ABR: variants seen among roughly 807,000 people sequenced by gnomAD.
ABR encodes ABR activator of RhoGEF and GTPase.
Under a neutral mutation model 107.2 loss-of-function variants are expected in ABR, and 35 were observed. That is an observed-to-expected ratio of 0.33 (90% CI 0.25 to 0.43). The LOEUF is 0.43. Ranked by LOEUF, ABR falls within the 20% of genes least tolerant of loss-of-function variation. The pLI, the probability that ABR is intolerant of heterozygous loss-of-function variation, is 1.00. For synonymous variants in ABR, 498 were observed against 462.0 expected (o/e 1.08, Z -1.00); for missense variants, 815 against 1,115.2 (o/e 0.73, Z 3.83).
At chr17:1,175,344 G>A (rs749113756) in intron 1 of ABR, among the ~76,000 whole-genome samples, 5 of 152,140 alleles carry the variant, frequency 3.3e-5, no homozygotes, top group South Asian at 2.1e-4. Context: ...CCGGGGAGGC[G>A]GAGGTTGCAG....
At chr17:1,193,895 C>T (rs555171089) in intron 1 of ABR, among the ~76,000 whole-genome samples, 25 of 151,878 alleles carry the variant, frequency 1.6e-4, no homozygotes, top group South Asian at 1.0e-3. Context: ...GGGGTTTCAC[C>T]GTGTTAGCCA....
chr17:1,025,390 G>A (rs781335389), intron 16 of ABR, among the ~76,000 whole-genome samples: 2 of 152,186 alleles, frequency 1.3e-5, no homozygotes, highest in Non-Finnish European at 1.5e-5. Flanking sequence ...CCTCAGTTGC[G>A]TCACAGGCTA....
At chr17:1,146,717 T>C (rs187975578) in intron 1 of ABR, among the ~76,000 whole-genome samples, 3,941 of 89,276 alleles carry the variant, frequency 0.044, 85 homozygotes, top group Middle Eastern at 0.15. Flanking sequence ...CCACTGCCAC[T>C]ACTGCCACCA....
chr17:1,066,957 T>G (rs560822736), intron 10 of ABR, 120 bp downstream of exon 10: 2 of 1,061,448 alleles, frequency 1.9e-6, no homozygotes, highest in Non-Finnish European at 2.7e-6. Flanking sequence ...GGTCTTTCCC[T>G]TAGTAACTAC....
chr17:1,188,174 C>T (rs1368464781), upstream of ABR, among the ~76,000 whole-genome samples: 2 of 151,978 alleles, frequency 1.3e-5, no homozygotes, highest in African/African-American at 4.8e-5. Flanking sequence ...ACCACTAACA[C>T]CCCAGCCTGG....
At chr17:1,048,873 G>A (rs1045407292) in intron 16 of ABR, among the ~76,000 whole-genome samples, 6 of 152,154 alleles carry the variant, frequency 3.9e-5, no homozygotes, top group Non-Finnish European at 5.9e-5. Context: ...CCCAACGCCC[G>A]AGGCTCAACC....
chr17:1,146,613 A>ACCACCGCCACATGC (rs2040537828), intron 1 of ABR, among the ~76,000 whole-genome samples: 1 of 148,290 alleles, frequency 6.7e-6, no homozygotes, highest in African/African-American at 2.5e-5. Context: ...CTGCCACATG[A>ACCACCGCCACATGC]CACCACTGCC....
At chr17:1,109,212 C>G in intron 2 of ABR, 2 of 1,150,702 alleles carry the variant, frequency 1.7e-6, no homozygotes, top group Non-Finnish European at 2.3e-6. Flanking sequence ...GGGACTGCAT[C>G]CCGGACCTAG....
chr17:1,034,538 C>G (rs1456806852), intron 16 of ABR, among the ~76,000 whole-genome samples: 2 of 152,176 alleles, frequency 1.3e-5, no homozygotes, highest in African/African-American at 4.8e-5. Context: ...TCGAGAGATA[C>G]AATTTCCAGC....
rs751626911 is a variant in ABR at position 1,009,668 on chromosome 17, C to T, written c.2342+11G>A. The T allele has an allele frequency of 1.9e-6, 3 of 1,611,516 alleles. No individual in the cohort carries two copies. The highest frequency in any genetic ancestry group is 3.3e-5 in the Admixed American group (2 of 60,016). On this transcript the variant is annotated intron_variant, in intron 21 of 22. Coordinates refer to ENST00000302538, the MANE Select transcript of ABR (RefSeq NM_021962.5). Reference sequence around the variant, plus strand: ...GACTGAGGAGGTGGGGTTGGGGCCGCTCCCCGTTACCTTTTCAAGTGTTCC... The same window carrying T: ...GACTGAGGAGGTGGGGTTGGGGCCGTTCCCCGTTACCTTTTCAAGTGTTCC...
chr17:1,151,712 GC>G (rs2040801721), intron 1 of ABR, among the ~76,000 whole-genome samples: 2 of 152,152 alleles, frequency 1.3e-5, no homozygotes, highest in Admixed American at 1.3e-4. Flanking sequence ...CCCTTTTTGG[GC>G]AGGTCACTTC....
chr17:1,031,846 T>TCCCCTCCCTCCCTCCCTCCCTCCC, intron 16 of ABR: 1 of 1,204,014 alleles, frequency 8.3e-7, no homozygotes, highest in South Asian at 4.3e-5. Context: ...TTCCCCGCGC[T>TCCCCTCCCTCCCTCCCTCCCTCCC]CGCCTCCCTC....
intron 3 of ABR, 75 bp downstream of exon 3, chr17:1,100,562 A>G: frequency 2.8e-6 from 4 of 1,416,714 alleles, no homozygotes; most frequent in Non-Finnish European, 4.0e-6. Flanking sequence ...CCAACTCCAA[A>G]AGCAGCTTCA....
intron 14 of ABR, chr17:1,055,777 T>G: frequency 2.3e-6 from 1 of 431,996 alleles, no homozygotes; most frequent in Admixed American, 3.3e-5. Context: ...TCCGCCCGCC[T>G]GGGCCTCCCA....
chr17:1,226,827 G>A (rs1486624272), intron 1 of ABR, among the ~76,000 whole-genome samples: 2 of 152,130 alleles, frequency 1.3e-5, no homozygotes, highest in Non-Finnish European at 2.9e-5. Context: ...ATGTGTGCAT[G>A]CATGTATGTG....
At chr17:1,102,119 C>T (rs1003654988) in intron 2 of ABR, among the ~76,000 whole-genome samples, 33 of 152,298 alleles carry the variant, frequency 2.2e-4, no homozygotes, top group African/African-American at 7.5e-4. Context: ...CCTGCAGTGG[C>T]CCGGATGCCC....
In ABR at chr17:1,102,029, T is replaced by G. The variant is rs528770445; in HGVS notation, c.247-1294A>C. ...ATTACAGGTGTGAGCCACCGCACCC[T>G]GCCGGAAAGACATTTAAAAAACAAG... On this transcript the variant is annotated intron_variant, in intron 2 of 22. Transcript: ENST00000302538. Among the ~76,000 whole-genome samples, 161 of 152,126 alleles carry G rather than the reference T, an allele frequency of 1.1e-3. 1 individual carries two copies. Among genetic ancestry groups the G allele is most frequent in the African/African-American group, 3.3e-3 (137 of 41,514 alleles).
chr17:1,163,544 G>A (rs1290491753), intron 1 of ABR, among the ~76,000 whole-genome samples: 18 of 137,540 alleles, frequency 1.3e-4, no homozygotes, highest in African/African-American at 4.4e-4. Flanking sequence ...GCATCCAGGT[G>A]GGACCCTGGC....
At chr17:1,185,654 T>TAAAAAAAAAAAA (rs775804045) in intron 1 of ABR, among the ~76,000 whole-genome samples, 16 of 39,352 alleles carry the variant, frequency 4.1e-4, no homozygotes, top group African/African-American at 1.4e-3. Flanking sequence ...CAGAAAGAAA[T>TAAAAAAAAAAAA]AAAAAAAAAA....
Sources: allele counts gnomAD v4.1 joint callset (sites outside exome capture counted in the v4.1 genomes callset), GRCh38; gene constraint gnomAD v4.1.1; transcripts MANE v1.5; gene names NCBI Gene and HGNC (gene_info 2026-07-23, HGNC 2026-07-21).